SLIT3: variants seen among roughly 807,000 people sequenced by gnomAD.
The protein encoded by SLIT3 is slit homolog 3 protein.
In SLIT3, 68 loss-of-function variants were observed where a neutral mutation model predicts 184.0. The ratio of observed to expected loss-of-function variants is 0.37; its 90% CI spans 0.30 to 0.45. SLIT3 has a LOEUF of 0.45. Ranked by LOEUF, SLIT3 falls within the 20% of genes least tolerant of loss-of-function variation. The pLI is 1.00. For missense variants in SLIT3, 1,707 were observed against 2,026.0 expected, an observed-to-expected ratio of 0.84 and a Z score of 3.02; for synonymous variants, 831 against 828.6, an observed-to-expected ratio of 1.00 and a Z score of -0.05.
At chr5:169,217,469 G>A (rs1764477950) in intron 3 of SLIT3, among the ~76,000 whole-genome samples, 1 of 152,122 alleles carries the variant, frequency 6.6e-6, no homozygotes, top group South Asian at 2.1e-4. Context: ...ACTGGGTTTG[G>A]GGAGCATATT....
At chr5:168,928,493 C>T (rs1404360756) in intron 4 of SLIT3, among the ~76,000 whole-genome samples, 1 of 152,122 alleles carries the variant, frequency 6.6e-6, no homozygotes, top group Non-Finnish European at 1.5e-5. Flanking sequence ...GGGCCAAGTC[C>T]CAGGTCAGGC....
intron 4 of SLIT3, among the ~76,000 whole-genome samples, chr5:169,186,761 C>T (rs915709721): frequency 1.1e-4 from 16 of 152,182 alleles, no homozygotes; most frequent in Non-Finnish European, 1.8e-4. Flanking sequence ...GCGGCGCAGA[C>T]TAGCCAAGAT....
chr5:168,924,124 T>C (rs1423937828), intron 4 of SLIT3, among the ~76,000 whole-genome samples: 1 of 152,256 alleles, frequency 6.6e-6, no homozygotes, highest in Non-Finnish European at 1.5e-5. Flanking sequence ...ACCCGTCTGC[T>C]TCTCCAGTCT....
At chr5:169,032,509 A>T (rs1181290087) in intron 4 of SLIT3, among the ~76,000 whole-genome samples, 2 of 145,316 alleles carry the variant, frequency 1.4e-5, no homozygotes, top group African/African-American at 5.1e-5. Context: ...TGTGCCAGTC[A>T]TTTTTTTTTT....
chr5:169,224,763 T>C (rs1764744228), intron 3 of SLIT3, among the ~76,000 whole-genome samples: 1 of 152,202 alleles, frequency 6.6e-6, no homozygotes, highest in Admixed American at 6.5e-5. Context: ...CTTGGCTCAC[T>C]GCAGCCTCTG....
At chr5:168,709,255 C>T (rs1252968918) in intron 25 of SLIT3, among the ~76,000 whole-genome samples, 3 of 152,092 alleles carry the variant, frequency 2.0e-5, no homozygotes, top group Non-Finnish European at 4.4e-5. Context: ...GCCACCACAC[C>T]TGGCTAATTT....
intron 4 of SLIT3, among the ~76,000 whole-genome samples, chr5:168,900,962 A>G (rs556856550): frequency 6.6e-6 from 1 of 152,322 alleles, no homozygotes; most frequent in East Asian, 1.9e-4. Flanking sequence ...CGTGAGGGGT[A>G]GAAGGTGGCT....
intron 6 of SLIT3, among the ~76,000 whole-genome samples, chr5:168,823,559 G>C (rs1757605903): frequency 1.3e-5 from 2 of 152,124 alleles, no homozygotes; most frequent in Non-Finnish European, 2.9e-5. Context: ...TGTCCTCTCA[G>C]GACTTGCCTA....
intron 4 of SLIT3, chr5:169,022,608 G>A (rs1756643739): frequency 6.6e-6 from 1 of 152,146 alleles, no homozygotes; most frequent in African/African-American, 2.4e-5. Flanking sequence ...TAAAAACAAT[G>A]AGACTGAAAA....
intron 6 of SLIT3, among the ~76,000 whole-genome samples, chr5:168,835,603 G>A (rs1758024299): frequency 6.6e-6 from 1 of 152,040 alleles, no homozygotes; most frequent in Non-Finnish European, 1.5e-5. Flanking sequence ...GAGGTCAGGA[G>A]TTCGAGACCA....
intron 12 of SLIT3, among the ~76,000 whole-genome samples, chr5:168,783,047 A>G (rs1184313218): frequency 6.6e-6 from 1 of 152,200 alleles, no homozygotes; most frequent in Non-Finnish European, 1.5e-5. Flanking sequence ...TTATCAGAGG[A>G]ACCATCAGCA....
intron 3 of SLIT3, among the ~76,000 whole-genome samples, chr5:169,206,147 G>A (rs953699535): frequency 6.6e-6 from 1 of 152,232 alleles, no homozygotes; most frequent in Non-Finnish European, 1.5e-5. Flanking sequence ...GGGCAGGGAA[G>A]AGGGACTGAG....
At chr5:169,022,424 G>A (rs776805129) in intron 4 of SLIT3, among the ~76,000 whole-genome samples, 1 of 152,182 alleles carries the variant, frequency 6.6e-6, no homozygotes, top group Non-Finnish European at 1.5e-5. Flanking sequence ...GGAGGCAGAG[G>A]GATTATTTGC....
intron 3 of SLIT3, among the ~76,000 whole-genome samples, chr5:169,237,437 A>G (rs1022572067): frequency 6.6e-6 from 1 of 152,198 alleles, no homozygotes; most frequent in Non-Finnish European, 1.5e-5. Context: ...TAGCAACCAT[A>G]GATCTGGATT....
chr5:169,248,444 T>TC (rs1765670466), intron 2 of SLIT3, among the ~76,000 whole-genome samples: 1 of 152,042 alleles, frequency 6.6e-6, no homozygotes, highest in Non-Finnish European at 1.5e-5. Context: ...GCTAAGACCC[T>TC]CCCATCCAGA....
intron 3 of SLIT3, among the ~76,000 whole-genome samples, chr5:169,229,622 GTACT>G (rs1163944270): frequency 2.0e-5 from 3 of 147,980 alleles, no homozygotes; most frequent in Non-Finnish European, 4.5e-5. Flanking sequence ...AATGTAAAGC[GTACT>G]TAGTCAAATA....
At chr5:168,809,843 C>T (rs1757107221) in intron 8 of SLIT3, among the ~76,000 whole-genome samples, 1 of 152,048 alleles carries the variant, frequency 6.6e-6, no homozygotes, top group Non-Finnish European at 1.5e-5. Context: ...CTGGAAGGGC[C>T]CTGAGGGAAG....
chr5:168,856,158 C>G (rs190509621), intron 5 of SLIT3, among the ~76,000 whole-genome samples: 2 of 152,244 alleles, frequency 1.3e-5, no homozygotes, highest in East Asian at 3.9e-4. Flanking sequence ...GGGTGCACTA[C>G]ATTGCGAGTG....
chr5:168,792,710 C>T (rs913637082), intron 10 of SLIT3, among the ~76,000 whole-genome samples: 4 of 152,198 alleles, frequency 2.6e-5, no homozygotes, highest in African/African-American at 9.7e-5. Flanking sequence ...GGTGTCAGGC[C>T]TACCAGTCAG....
Sources: gnomAD v4.1 joint callset for allele counts (sites outside exome capture counted in the v4.1 genomes callset) on GRCh38, gnomAD v4.1.1 for gene constraint, MANE v1.5 for transcripts, NCBI Gene and HGNC (gene_info 2026-07-23, HGNC 2026-07-21) for gene names.